The following PKNOX2 variants were observed in gnomAD, a reference collection of about 807,000 sequenced individuals.
PKNOX2 encodes the protein homeobox protein PKNOX2.
PKNOX2 carries 14 observed loss-of-function variants against 53.1 expected under a neutral mutation model. The observed-to-expected ratio is 0.26, with a 90% CI of 0.17 to 0.41. PKNOX2 has a LOEUF of 0.41. PKNOX2 is among the 10% of genes least tolerant of loss of function. PKNOX2 has a pLI of 1.00. For synonymous variants in PKNOX2, 257 were observed against 242.8 expected, an observed-to-expected ratio of 1.06 and a Z score of -0.54; for missense variants, 496 against 602.8, an observed-to-expected ratio of 0.82 and a Z score of 1.85.
intron 1 of PKNOX2, among the ~76,000 whole-genome samples, chr11:125,211,906 C>T (rs1478113933): frequency 6.6e-6 from 1 of 152,078 alleles, no homozygotes; most frequent in Non-Finnish European, 1.5e-5. Flanking sequence ...TGGAGACACA[C>T]TACATGTGGG....
At chr11:125,281,886 A>T (rs775392718) in intron 2 of PKNOX2, among the ~76,000 whole-genome samples, 9 of 152,232 alleles carry the variant, frequency 5.9e-5, no homozygotes, top group Non-Finnish European at 1.0e-4. Flanking sequence ...CTGAACTCAC[A>T]TGAAACCTTA....
At chr11:125,388,925 T>C (rs556224257) in intron 6 of PKNOX2, among the ~76,000 whole-genome samples, 3 of 152,324 alleles carry the variant, frequency 2.0e-5, no homozygotes, top group East Asian at 3.9e-4. Context: ...CCGGGAACCG[T>C]GGCTCATGCC....
intron 2 of PKNOX2, among the ~76,000 whole-genome samples, chr11:125,319,388 G>A (rs1949387396): frequency 1.3e-5 from 2 of 152,216 alleles, no homozygotes; most frequent in South Asian, 2.1e-4. Context: ...CAGACATGAA[G>A]TGAGTACCTG....
intron 2 of PKNOX2, among the ~76,000 whole-genome samples, chr11:125,236,330 G>C (rs777128740): frequency 2.7e-5 from 4 of 149,242 alleles, no homozygotes; most frequent in Non-Finnish European, 4.5e-5. Context: ...CTGGGGTGTT[G>C]GGGGAAGGGT....
intron 1 of PKNOX2, 40 bp downstream of exon 1, chr11:125,164,816 A>C (rs1004394655): frequency 5.6e-6 from 1 of 178,646 alleles, no homozygotes; most frequent in Non-Finnish European, 1.1e-5. Flanking sequence ...ACGCTTTTGC[A>C]GGCGGCGGCG....
chr11:125,431,116 G>GCCCTGACCAGCAGCC lies in PKNOX2; in HGVS notation c.1193-47_1193-33dup, dbSNP rs777314856. ...AACCCTGTCCAACACAGAGGTGCTGGCCCTGACCAGCAGCCCCTGCCTCGT... is the reference window on the plus strand; with the variant it reads ...AACCCTGTCCAACACAGAGGTGCTGGCCCTGACCAGCAGCCCCCTGACCAGCAGCCCCTGCCTCGT... On this transcript the variant is annotated intron_variant, in intron 12 of 12. Transcript: ENST00000298282. 1.0e-5 allele frequency: 16 copies of GCCCTGACCAGCAGCC among 1,586,500 alleles called. No homozygotes were observed. The South Asian group carries it at 1.9e-4, about 18-fold the overall frequency.
chr11:125,263,496 TC>T lies in PKNOX2; in HGVS notation c.-130+28383del, dbSNP rs537710552. ...CTGCTGGGGGAGCGTGCTAAACCTC[TC>T]CGGGGTCAGCACTGTGGTATGTCGG... is the stretch of plus-strand genomic sequence containing the variant. On this transcript the variant is annotated intron_variant, in intron 2 of 12. Coordinates refer to ENST00000298282, the MANE Select transcript of PKNOX2 (RefSeq NM_001382323.2). 2.3e-3 allele frequency among the ~76,000 whole-genome samples: 351 copies of T among 152,266 alleles called. 1 individual carries two copies. Among genetic ancestry groups the T allele is most frequent in the South Asian group, 9.5e-3 (46 of 4,822 alleles).
intron 7 of PKNOX2, among the ~76,000 whole-genome samples, chr11:125,398,329 C>A (rs1954537394): frequency 6.6e-6 from 1 of 152,232 alleles, no homozygotes; most frequent in South Asian, 2.1e-4. Flanking sequence ...TCATTCCTGG[C>A]TTCCTGGCCC....
intron 1 of PKNOX2, among the ~76,000 whole-genome samples, chr11:125,206,383 C>T (rs1389727386): frequency 1.3e-5 from 2 of 152,014 alleles, no homozygotes; most frequent in Non-Finnish European, 2.9e-5. Context: ...TTACTCTGCA[C>T]AAATGCGTGG....
At chr11:125,280,551 G>T (rs1310678681) in intron 2 of PKNOX2, among the ~76,000 whole-genome samples, 1 of 152,214 alleles carries the variant, frequency 6.6e-6, no homozygotes, top group African/African-American at 2.4e-5. Context: ...AAGAGAATGG[G>T]GAGGTCTTCT....
At position 125,367,962 on chromosome 11, in the gene PKNOX2, G is replaced by A. The variant is rs947760903; in HGVS notation, c.204G>A (p.Glu68=). The part of the protein sequence containing the change: ...SAPIDPQAQL[E]ADKRAVYRHP... ...CCATCGACCCCCAGGCCCAGCTGGA[G>A]GCTGACAAGCGAGCTGTATACAGGT... The change falls in exon 5 of 13, where the codon GAG becomes GAA. Residue 68 remains glutamate (E), a synonymous_variant. Coordinates refer to ENST00000298282, the MANE Select transcript of PKNOX2 (RefSeq NM_001382323.2). 58 of 1,613,122 alleles carry A rather than the reference G, an allele frequency of 3.6e-5. No homozygotes were observed. Among genetic ancestry groups the A allele is most frequent in the Non-Finnish European group, 4.8e-5 (57 of 1,179,600 alleles).
chr11:125,218,631 A>T (rs1403506338), intron 1 of PKNOX2, among the ~76,000 whole-genome samples: 2 of 152,088 alleles, frequency 1.3e-5, no homozygotes, highest in African/African-American at 4.8e-5. Flanking sequence ...GAGCTAGTGC[A>T]TGTATTTAGA....
chr11:125,325,919 T>C (rs77183103), intron 2 of PKNOX2, among the ~76,000 whole-genome samples: 1,653 of 152,280 alleles, frequency 0.011, 35 homozygotes, highest in African/African-American at 0.037. Flanking sequence ...CAAGAACACA[T>C]TGAAATATAA....
intron 2 of PKNOX2, among the ~76,000 whole-genome samples, chr11:125,309,689 C>A (rs538630340): frequency 1.4e-4 from 21 of 152,202 alleles, no homozygotes; most frequent in African/African-American, 4.3e-4. Context: ...TGCCCGGCCT[C>A]TAACAGTACC....
At chr11:125,341,333 C>G (rs1242230141) in intron 3 of PKNOX2, among the ~76,000 whole-genome samples, 2 of 150,472 alleles carry the variant, frequency 1.3e-5, no homozygotes, top group Non-Finnish European at 2.9e-5. Context: ...TGCACTCCAG[C>G]TTGGTGACAG....
chr11:125,429,818 TC>T, intron 11 of PKNOX2, 144 bp from the exon 12 acceptor site: 2 of 928,816 alleles, frequency 2.2e-6, no homozygotes, highest in Non-Finnish European at 3.2e-6. Flanking sequence ...CCCAGGGCCC[TC>T]CTCCTTGCTG....
At chr11:125,401,353 G>A (rs988682277) in intron 7 of PKNOX2, among the ~76,000 whole-genome samples, 1 of 152,184 alleles carries the variant, frequency 6.6e-6, no homozygotes, top group Non-Finnish European at 1.5e-5. Flanking sequence ...GTGGCTCAGT[G>A]CGCAGCCAGG....
rs570484983 is a variant in PKNOX2 at position 125,180,582 on chromosome 11, G to A, written c.-201+15806G>A. Reference sequence around the variant, plus strand: ...GGAGGTACTTCAGGGGCTTGTGAAAGGTCACAGAGCTCGGAGCCAGAATGA... The same window carrying A: ...GGAGGTACTTCAGGGGCTTGTGAAAAGTCACAGAGCTCGGAGCCAGAATGA... On this transcript the variant is annotated intron_variant, in intron 1 of 12. Transcript: ENST00000298282. Among the ~76,000 whole-genome samples the A allele has an allele frequency of 3.7e-4, 57 of 152,304 alleles. 1 individual carries two copies. Among genetic ancestry groups the A allele is most frequent in the Non-Finnish European group, 7.3e-4 (50 of 68,030 alleles).
Position 125,375,979 on chromosome 11 carries a change from C to T in PKNOX2, c.227+7994C>T, listed in dbSNP as rs189908449. Among the ~76,000 whole-genome samples, 370 of 152,316 alleles carry T rather than the reference C, an allele frequency of 2.4e-3. 4 individuals are homozygous for T. Among genetic ancestry groups the T allele is most frequent in the African/African-American group, 7.4e-3 (307 of 41,572 alleles). ...CGCCTTGTTCTGAAGGGGCTGGACG[C>T]GACATCCCCACCAGGTCTCATGTAT... On this transcript the variant is annotated intron_variant, in intron 5 of 12. Coordinates refer to ENST00000298282, the MANE Select transcript of PKNOX2 (RefSeq NM_001382323.2).
Sources: allele counts gnomAD v4.1 joint callset (sites outside exome capture counted in the v4.1 genomes callset), GRCh38; gene constraint gnomAD v4.1.1; transcripts MANE v1.5; gene names NCBI Gene and HGNC (gene_info 2026-07-23, HGNC 2026-07-21).